DEPDC1B: variants seen among roughly 807,000 people sequenced by gnomAD.
The protein encoded by DEPDC1B is DEP domain containing 1B.
DEPDC1B carries 51 observed loss-of-function variants against 66.5 expected under a neutral mutation model. That is an observed-to-expected ratio of 0.77 (90% confidence interval 0.61 to 0.97). DEPDC1B has a LOEUF of 0.97. Ranked by LOEUF, DEPDC1B falls within the 50% of genes least tolerant of loss-of-function variation. DEPDC1B has a pLI of 0.00. For missense variants in DEPDC1B, 552 were observed against 637.1 expected (o/e 0.87, Z 1.44); for synonymous variants, 226 against 223.6 (o/e 1.01, Z -0.10).
chr5:60,598,945 A>G, intron 10 of DEPDC1B, 130 bp downstream of exon 10: 1 of 706,618 alleles, frequency 1.4e-6, no homozygotes, highest in Non-Finnish European at 2.2e-6. Context: ...TCTAGAATGT[A>G]TGAACTAATA....
chr5:60,599,201 T>C lies in DEPDC1B; in HGVS notation c.1302A>G (p.Gln434=), dbSNP rs1752154464. The part of the protein sequence containing the change: ...ITLSAPSFCR[Q]ISPEEFEYQR... Reference sequence around the variant, plus strand: ...GATATTCAAATTCCTCTGGACTAATTTGACGGCAAAATGATGGAGCAGATA... The same window carrying C: ...GATATTCAAATTCCTCTGGACTAATCTGACGGCAAAATGATGGAGCAGATA... Residue 434 remains glutamine (Q), a synonymous_variant, in exon 10 of 11, where the codon CAA becomes CAG. Coordinates refer to ENST00000265036, the MANE Select transcript of DEPDC1B (RefSeq NM_018369.3). 5 of 1,612,320 alleles carry C rather than the reference T, an allele frequency of 3.1e-6. No individual in the cohort carries two copies. Among genetic ancestry groups the C allele is most frequent in the African/African-American group, 1.3e-5 (1 of 74,798 alleles).
chr5:60,686,795 G>C (rs1390423098), intron 2 of DEPDC1B, among the ~76,000 whole-genome samples, 167 bp downstream of exon 2: 3 of 152,088 alleles, frequency 2.0e-5, no homozygotes, highest in Non-Finnish European at 4.4e-5. Flanking sequence ...AATCCCAGCT[G>C]GTTTTATTGC....
At chr5:60,661,714 G>T (rs1282936171) in intron 2 of DEPDC1B, among the ~76,000 whole-genome samples, 1 of 152,162 alleles carries the variant, frequency 6.6e-6, no homozygotes, top group Non-Finnish European at 1.5e-5. Context: ...CGCCATAACT[G>T]CAGCCCGAGA....
intron 2 of DEPDC1B, among the ~76,000 whole-genome samples, chr5:60,674,305 T>C (rs1451375626): frequency 6.6e-6 from 1 of 152,166 alleles, no homozygotes; most frequent in East Asian, 1.9e-4. Flanking sequence ...AAAAGGACAT[T>C]ATAAAACAAA....
intron 2 of DEPDC1B, among the ~76,000 whole-genome samples, chr5:60,654,172 T>G (rs1212693335): frequency 6.7e-6 from 1 of 149,084 alleles, no homozygotes; most frequent in Non-Finnish European, 1.5e-5. Context: ...GGGAATTGCA[T>G]TGAATTTGTA....
chr5:60,597,521 C>T lies in DEPDC1B; in HGVS notation c.*232G>A. The T allele has an allele frequency of 4.8e-6, 2 of 417,402 alleles. No homozygotes were observed. 25.9% of individuals were successfully genotyped at this position (417,402 alleles called of 1,614,324 possible). ...AATTACAAACATGTTAACATTATCA[C>T]TATATATTTGACTCATAAATTTTAA... On this transcript the variant is annotated 3_prime_UTR_variant, in exon 11 of 11. Transcript: ENST00000265036.
chr5:60,647,262 C>A, intron 3 of DEPDC1B, 136 bp downstream of exon 3: 1 of 1,039,932 alleles, frequency 9.6e-7, no homozygotes, highest in East Asian at 2.9e-5. Context: ...GGTCTCCCAG[C>A]TGTTGGCAGG....
intron 5 of DEPDC1B, among the ~76,000 whole-genome samples, chr5:60,643,767 C>T (rs974665838): frequency 6.6e-6 from 1 of 152,166 alleles, no homozygotes; most frequent in African/African-American, 2.4e-5. Context: ...TTGATATTAA[C>T]CTCAAAACTC....
Position 60,662,821 on chromosome 5 carries a change from C to T in DEPDC1B, c.315-15288G>A, listed in dbSNP as rs142561582. On this transcript the variant is annotated intron_variant, in intron 2 of 10. Coordinates refer to ENST00000265036, the MANE Select transcript of DEPDC1B (RefSeq NM_018369.3). ...GGACAAGTGCCAGCCCATGCCATCACCCTCACAGAGCCCCAGGTATGCTTG... is the reference window on the plus strand; with the variant it reads ...GGACAAGTGCCAGCCCATGCCATCATCCTCACAGAGCCCCAGGTATGCTTG... Among the ~76,000 whole-genome samples the T allele has an allele frequency of 1.4e-3, 207 of 152,216 alleles. 8 individuals are homozygous for T. The East Asian group carries it at 0.033, about 24-fold the overall frequency.
At chr5:60,632,369 C>T (rs189410435) in intron 7 of DEPDC1B, among the ~76,000 whole-genome samples, 15 of 152,348 alleles carry the variant, frequency 9.8e-5, no homozygotes, top group Admixed American at 2.0e-4. Context: ...TGGGGAAAGG[C>T]GGCTGCTGCA....
intron 2 of DEPDC1B, among the ~76,000 whole-genome samples, chr5:60,676,882 A>C (rs1054522728): frequency 1.3e-5 from 2 of 152,194 alleles, no homozygotes; most frequent in Non-Finnish European, 2.9e-5. Context: ...GTATAATATT[A>C]TAGGGAAATG....
At chr5:60,634,448 G>A (rs1400073887) in intron 7 of DEPDC1B, among the ~76,000 whole-genome samples, 2 of 152,068 alleles carry the variant, frequency 1.3e-5, no homozygotes, top group Non-Finnish European at 2.9e-5. Flanking sequence ...CGAGGCGGGC[G>A]GATCACGAGA....
chr5:60,652,528 C>T (rs4538567), intron 2 of DEPDC1B, among the ~76,000 whole-genome samples: 81,895 of 148,252 alleles, frequency 0.55, 24,999 homozygotes, highest in East Asian at 0.71. Context: ...AAGGGACATA[C>T]TGAGGCTTGT....
chr5:60,615,715 G>T (rs375070680), intron 7 of DEPDC1B, among the ~76,000 whole-genome samples: 4 of 152,180 alleles, frequency 2.6e-5, no homozygotes, highest in Non-Finnish European at 5.9e-5. Context: ...CACCTCTGGG[G>T]GCAGGGCATA....
chr5:60,690,398 A>G (rs1227555208), intron 1 of DEPDC1B, among the ~76,000 whole-genome samples: 1 of 152,238 alleles, frequency 6.6e-6, no homozygotes, highest in East Asian at 1.9e-4. Context: ...CTGCTTTGGT[A>G]TATGCATATG....
intron 7 of DEPDC1B, among the ~76,000 whole-genome samples, chr5:60,622,107 T>C (rs1215842555): frequency 6.6e-6 from 1 of 152,186 alleles, no homozygotes; most frequent in African/African-American, 2.4e-5. Context: ...TACAAAAATG[T>C]ACCCATTTTA....
At chr5:60,645,987 C>T (rs901441108) in intron 3 of DEPDC1B, among the ~76,000 whole-genome samples, 2 of 152,180 alleles carry the variant, frequency 1.3e-5, no homozygotes, top group Non-Finnish European at 2.9e-5. Flanking sequence ...TAAATTCATA[C>T]ACTGTACAGA....
chr5:60,632,474 C>G (rs1752947826), intron 7 of DEPDC1B, among the ~76,000 whole-genome samples: 1 of 152,262 alleles, frequency 6.6e-6, no homozygotes, highest in Admixed American at 6.5e-5. Context: ...CAGAGCGCCC[C>G]CTCTGCGAAG....
chr5:60,656,395 G>A (rs951234491), intron 2 of DEPDC1B, among the ~76,000 whole-genome samples: 3 of 151,978 alleles, frequency 2.0e-5, no homozygotes, highest in Admixed American at 6.6e-5. Context: ...TGATCTACCC[G>A]CCTCGGCCTC....
Sources: gnomAD v4.1 joint callset for allele counts (sites outside exome capture counted in the v4.1 genomes callset) on GRCh38, gnomAD v4.1.1 for gene constraint, MANE v1.5 for transcripts, NCBI Gene and HGNC (gene_info 2026-07-23, HGNC 2026-07-21) for gene names.